SLCO1A2: variants seen among roughly 807,000 people sequenced by gnomAD.
SLCO1A2 encodes OATP-1.
In SLCO1A2, 67 loss-of-function variants were observed where a neutral mutation model predicts 69.0. That is an observed-to-expected ratio of 0.97 (90% CI 0.80 to 1.19). The LOEUF (loss-of-function observed/expected upper bound fraction) is 1.19. Among genes scored for constraint, SLCO1A2 ranks in the 50% most tolerant of loss-of-function variants. The pLI is 0.00. For synonymous variants in SLCO1A2, 260 were observed against 265.9 expected (o/e 0.98, Z 0.22); for missense variants, 787 against 793.7 (o/e 0.99, Z 0.10).
intron 1 of SLCO1A2, among the ~76,000 whole-genome samples, chr12:21,406,059 G>T (rs895735097): frequency 1.3e-4 from 20 of 152,206 alleles, no homozygotes; most frequent in Admixed American, 3.9e-4. Flanking sequence ...ACTACTCATG[G>T]ATTTTGTCTG....
intron 4 of SLCO1A2, among the ~76,000 whole-genome samples, chr12:21,307,932 C>A (rs1949634663): frequency 6.6e-6 from 1 of 152,100 alleles, no homozygotes; most frequent in South Asian, 2.1e-4. Context: ...TGGCTGTGAA[C>A]TATAGACAAA....
chr12:21,414,999 C>A (rs760741757), intron 1 of SLCO1A2, among the ~76,000 whole-genome samples: 7 of 151,942 alleles, frequency 4.6e-5, no homozygotes, highest in Non-Finnish European at 1.0e-4. Context: ...CCTGATGTAT[C>A]TTTTCTTCAT....
At chr12:21,416,555 C>T (rs1941992201) in intron 1 of SLCO1A2, among the ~76,000 whole-genome samples, 1 of 151,962 alleles carries the variant, frequency 6.6e-6, no homozygotes, top group African/African-American at 2.4e-5. Context: ...GTGACCTGCT[C>T]ATGCTCACTG....
chr12:21,356,476 G>C (rs1277656902), intron 2 of SLCO1A2, among the ~76,000 whole-genome samples: 1 of 151,376 alleles, frequency 6.6e-6, no homozygotes, highest in African/African-American at 2.4e-5. Context: ...GGCACAGTGG[G>C]ATACAAAAGA....
chr12:21,291,501 A>T (rs3794320), intron 12 of SLCO1A2, among the ~76,000 whole-genome samples: 12,849 of 152,084 alleles, frequency 0.084, 1,217 homozygotes, highest in East Asian at 0.35. Context: ...ACTCTACTTT[A>T]GAGCTCCAAA....
chr12:21,378,389 T>C lies in SLCO1A2; in HGVS notation c.-189-3864A>G, dbSNP rs767130965. 11 of 1,613,718 alleles carry C rather than the reference T, an allele frequency of 6.8e-6. No individual in the cohort carries two copies. In the South Asian group the frequency reaches 1.2e-4, roughly 18 times the overall value. The stretch of plus-strand genomic sequence containing the variant: ...TATGGCAAGAGGAATGCAGTAGAGG[T>C]TTTAAAGAGAGAGCCACTGAATTAC... On this transcript the variant is annotated intron_variant, in intron 1 of 15. Transcript: ENST00000307378.
intron 2 of SLCO1A2, among the ~76,000 whole-genome samples, chr12:21,344,595 A>C (rs1036541985): frequency 2.0e-5 from 3 of 152,076 alleles, no homozygotes; most frequent in Non-Finnish European, 4.4e-5. Context: ...AAAGAGGCAC[A>C]TATATGTAGT....
At chr12:21,300,790 G>A (rs1262543912) in intron 7 of SLCO1A2, among the ~76,000 whole-genome samples, 2 of 152,104 alleles carry the variant, frequency 1.3e-5, no homozygotes, top group African/African-American at 2.4e-5. Context: ...TTAAAAGCAG[G>A]TATTAACTAA....
Position 21,301,262 on chromosome 12 carries a change from T to C in SLCO1A2, c.597A>G (p.Val199=), listed in dbSNP as rs146253246. The change falls in exon 7 of 15, where the codon GTA becomes GTG. Residue 199 remains valine, a synonymous_variant. Coordinates refer to ENST00000683939, the MANE Select transcript of SLCO1A2 (RefSeq NM_001386879.1). Reference sequence around the variant, plus strand: ...AAGGACCAATAATAGCTCCTGTTTCTACAAGCCCTAAAAATAAATAAAAGT... The same window carrying C: ...AAGGACCAATAATAGCTCCTGTTTCCACAAGCCCTAAAAATAAATAAAAGT... The part of the protein sequence containing the change: ...FENSPLYIGL[V]ETGAIIGPLI... The C allele has an allele frequency of 3.1e-6, 5 of 1,608,236 alleles. No individual in the cohort carries two copies. The highest frequency in any genetic ancestry group is 4.2e-6 in the Non-Finnish European group (5 of 1,176,492).
chr12:21,315,440 C>T lies in SLCO1A2; in HGVS notation c.203-759G>A, dbSNP rs139926864. Among the ~76,000 whole-genome samples the T allele has an allele frequency of 6.3e-3, 960 of 152,242 alleles. 20 individuals are homozygous for T. The highest frequency in any genetic ancestry group is 0.056 in the East Asian group (292 of 5,184). Reference sequence around the variant, plus strand: ...TAAAGATTTGAAAAAAACAAATATACGAATAAGTTTTTTGCAAACCATACA... The same window carrying T: ...TAAAGATTTGAAAAAAACAAATATATGAATAAGTTTTTTGCAAACCATACA... On this transcript the variant is annotated intron_variant, in intron 3 of 14. Transcript: ENST00000683939.
At chr12:21,286,847 AC>A (rs1945898907) in intron 12 of SLCO1A2, among the ~76,000 whole-genome samples, 1 of 148,874 alleles carries the variant, frequency 6.7e-6, no homozygotes, top group South Asian at 2.2e-4. Flanking sequence ...TACACCTTAT[AC>A]AAAAATCAAT....
chr12:21,384,645 A>G (rs906658117), intron 1 of SLCO1A2, among the ~76,000 whole-genome samples: 2 of 152,246 alleles, frequency 1.3e-5, no homozygotes, highest in African/African-American at 2.4e-5. Context: ...TTAAGTAGTT[A>G]GAAATCTTAC....
chr12:21,392,180 A>G (rs972199041), intron 1 of SLCO1A2, among the ~76,000 whole-genome samples: 1 of 152,110 alleles, frequency 6.6e-6, no homozygotes, highest in Non-Finnish European at 1.5e-5. Flanking sequence ...CTGACTAATC[A>G]CATACAATTT....
At chr12:21,377,477 T>C (rs900188915) in intron 1 of SLCO1A2, among the ~76,000 whole-genome samples, 2 of 152,244 alleles carry the variant, frequency 1.3e-5, no homozygotes, top group African/African-American at 4.8e-5. Flanking sequence ...TTCTGGATTA[T>C]GTGCAAAATG....
intron 2 of SLCO1A2, among the ~76,000 whole-genome samples, chr12:21,363,870 A>G (rs2137059153): frequency 6.6e-6 from 1 of 152,298 alleles, no homozygotes. Context: ...CCCTGAATAG[A>G]CCAATAACAG....
At position 21,292,339 on chromosome 12, in the gene SLCO1A2, G is replaced by A; in HGVS notation, c.1438-3C>T. 6.2e-7 allele frequency: 1 copy of A among 1,601,882 alleles called. No individual in the cohort carries two copies. Among genetic ancestry groups the A allele is most frequent in the South Asian group, 1.1e-5 (1 of 89,432 alleles). On this transcript the variant is annotated splice_region_variant and splice_polypyrimidine_tract_variant and intron_variant, in intron 11 of 14. Transcript: ENST00000683939. Reference sequence around the variant, plus strand: ...ATACAGCTGCAATTTTGGAACACCTGCCAAAAAATAACATATTATACTAAG... The same window carrying A: ...ATACAGCTGCAATTTTGGAACACCTACCAAAAAATAACATATTATACTAAG...
chr12:21,359,458 T>C (rs1938640999), intron 2 of SLCO1A2, among the ~76,000 whole-genome samples: 1 of 152,142 alleles, frequency 6.6e-6, no homozygotes, highest in Non-Finnish European at 1.5e-5. Context: ...ATACTGATAT[T>C]TGGGAGTCTC....
At chr12:21,359,703 T>G (rs1372209641) in intron 2 of SLCO1A2, among the ~76,000 whole-genome samples, 2 of 150,312 alleles carry the variant, frequency 1.3e-5, no homozygotes, top group Non-Finnish European at 2.9e-5. Context: ...GCCGAGATCG[T>G]GCCACTGCAC....
Position 21,274,493 on chromosome 12 carries a change from C to T in SLCO1A2, c.1769G>A (p.Arg590Lys). The T allele has an allele frequency of 1.9e-6, 3 of 1,612,052 alleles. No individual in the cohort carries two copies. The highest frequency in any genetic ancestry group is 2.5e-6 in the Non-Finnish European group (3 of 1,178,238). ...CCTGAAGGTGGTGGAATCATATATC[C>T]TGCATGCCCCTGACTCACCACATTT... ...TLKCGESGAC[R>K]IYDSTTFRYI... The change falls in exon 14 of 15, where the codon AGG (arginine) becomes AAG (lysine). Residue 590 changes from arginine (R) to lysine (K), a missense_variant. Coordinates refer to ENST00000683939, the MANE Select transcript of SLCO1A2 (RefSeq NM_001386879.1).
Sources: gnomAD v4.1 joint callset for allele counts (sites outside exome capture counted in the v4.1 genomes callset) on GRCh38, gnomAD v4.1.1 for gene constraint, MANE v1.5 for transcripts, NCBI Gene and HGNC (gene_info 2026-07-23, HGNC 2026-07-21) for gene names.